EML4: variants seen among roughly 807,000 people sequenced by gnomAD.
EML4 encodes echinoderm microtubule-associated protein-like 4.
A neutral mutation model predicts 129.0 loss-of-function variants in EML4; 72 were observed. That is an observed-to-expected ratio of 0.56 (90% confidence interval 0.46 to 0.68). The LOEUF is 0.68. EML4 is among the 30% of genes least tolerant of loss of function. The probability of loss-of-function intolerance (pLI) is 0.00; values close to 1 mark genes in which losing one functional copy is unlikely to be tolerated. For synonymous variants in EML4, 532 were observed against 405.0 expected (o/e 1.31, Z -3.77); for missense variants, 1,363 against 1,190.6 (o/e 1.14, Z -2.13).
At chr2:42,213,039 G>C (rs1165148050) in intron 1 of EML4, among the ~76,000 whole-genome samples, 3 of 152,138 alleles carry the variant, frequency 2.0e-5, no homozygotes, top group Non-Finnish European at 4.4e-5. Flanking sequence ...GCATATTAGT[G>C]TAACATAGTA....
At chr2:42,235,359 C>G (rs939234984) in intron 1 of EML4, among the ~76,000 whole-genome samples, 2 of 130,482 alleles carry the variant, frequency 1.5e-5, no homozygotes, top group African/African-American at 6.1e-5. Context: ...ACTCAGGAGG[C>G]TAAGGCGCGA....
chr2:42,245,424 A>G, intron 1 of EML4, 81 bp from the exon 2 acceptor site: 1 of 1,321,778 alleles, frequency 7.6e-7, no homozygotes, highest in South Asian at 1.3e-5. Flanking sequence ...TGTAAGTCTT[A>G]TGTGGGATGG....
At chr2:42,268,060 T>C (rs966009674) in intron 6 of EML4, among the ~76,000 whole-genome samples, 8 of 152,182 alleles carry the variant, frequency 5.3e-5, no homozygotes, top group Non-Finnish European at 1.0e-4. Context: ...TGACAAATTT[T>C]CTAATAAACA....
intron 1 of EML4, among the ~76,000 whole-genome samples, chr2:42,241,873 T>TGGG (rs1033165271): frequency 0.014 from 1,780 of 130,930 alleles, 35 homozygotes; most frequent in African/African-American, 0.057. Context: ...TGTGTGTGTG[T>TGGG]CGGGGGGGGG....
intron 17 of EML4, among the ~76,000 whole-genome samples, chr2:42,308,558 A>C (rs1051844293): frequency 1.3e-5 from 2 of 152,210 alleles, no homozygotes; most frequent in Admixed American, 1.3e-4. Flanking sequence ...CTTTGTTGAG[A>C]TATAATTCAC....
At chr2:42,222,848 G>C (rs929279561) in intron 1 of EML4, among the ~76,000 whole-genome samples, 1 of 152,062 alleles carries the variant, frequency 6.6e-6, no homozygotes, top group South Asian at 2.1e-4. Context: ...GCCTAGGCTG[G>C]AGTGCAATGG....
chr2:42,300,961 G>A (rs959477636), intron 13 of EML4, among the ~76,000 whole-genome samples: 2 of 152,014 alleles, frequency 1.3e-5, no homozygotes, highest in Non-Finnish European at 2.9e-5. Context: ...ATCCCCTTTC[G>A]TCTGTGGAAT....
Position 42,295,151 on chromosome 2 carries a change from G to A in EML4, c.1245G>A (p.Val415=). The part of the protein sequence containing the change: ...IKTTNEVVLA[V]EFHPTDANTI... ...CAACAAATGAAGTTGTTTTGGCTGT[G>A]GAGTTTCACCCAACAGATGCAAATA... The change falls in exon 12 of 23, where the codon GTG becomes GTA. Residue 415 remains valine (V), a synonymous_variant. Coordinates refer to ENST00000318522, the MANE Select transcript of EML4 (RefSeq NM_019063.5). The A allele has an allele frequency of 6.2e-7, 1 of 1,611,940 alleles. No individual in the cohort carries two copies. Among genetic ancestry groups the A allele is most frequent in the Non-Finnish European group, 8.5e-7 (1 of 1,179,358 alleles).
chr2:42,309,447 A>AT lies in EML4; in HGVS notation c.1967+4909dup, dbSNP rs1553393057. On this transcript the variant is annotated intron_variant, in intron 17 of 22. Coordinates refer to ENST00000318522, the MANE Select transcript of EML4 (RefSeq NM_019063.5). ...CAACCACCACAAAAAAAAAAAAAAA[A>AT]TTTTTTTTTTTTTGTTTAGGAACTA... Among the ~76,000 whole-genome samples, 67 of 142,538 alleles carry AT rather than the reference A, an allele frequency of 4.7e-4. 1 individual carries two copies. Among genetic ancestry groups the AT allele is most frequent in the East Asian group, 3.5e-3 (17 of 4,792 alleles). The allele number at this position is 142,538 out of a possible 152,430, so 93.5% of individuals were successfully genotyped here. A position where few individuals can be genotyped will look rare whatever the true frequency, so the allele number is the denominator to read the frequency against.
chr2:42,286,236 G>A (rs909938771), intron 9 of EML4, 33 bp from the exon 10 acceptor site: 1 of 1,228,616 alleles, frequency 8.1e-7, no homozygotes, highest in Non-Finnish European at 1.2e-6. Context: ...GCATCCACCT[G>A]TCCAGTTGCT....
chr2:42,221,698 G>A (rs1673613811), intron 1 of EML4, among the ~76,000 whole-genome samples: 1 of 151,824 alleles, frequency 6.6e-6, no homozygotes, highest in Admixed American at 6.6e-5. Context: ...CCGCCTCCTG[G>A]GTTCAAGGGA....
Position 42,325,602 on chromosome 2 carries a change from T to TTATATATATA in EML4, c.2242+76_2242+85dup, listed in dbSNP as rs10530482. 1.9e-3 allele frequency: 243 copies of TTATATATATA among 129,170 alleles called. 5 individuals carry two copies. Among genetic ancestry groups the TTATATATATA allele is most frequent in the Middle Eastern group, 2.9e-3 (1 of 346 alleles). The allele number at this position is 129,170 out of a possible 1,614,324, so 8.0% of individuals were successfully genotyped here. A position where few individuals can be genotyped will look rare whatever the true frequency, so the allele number is the denominator to read the frequency against. ...ATATATATATATGCTATGATTATAT[T>TTATATATATA]TATATATATATATATATATATATAT... On this transcript the variant is annotated intron_variant, in intron 20 of 22. Coordinates refer to ENST00000318522, the MANE Select transcript of EML4 (RefSeq NM_019063.5).
intron 6 of EML4, among the ~76,000 whole-genome samples, chr2:42,270,688 C>T (rs1375371214): frequency 6.6e-6 from 1 of 152,140 alleles, no homozygotes. Context: ...TTGTCATTTA[C>T]TGAGAGAGTG....
rs547725821 is a variant in EML4, at chr2:42,280,878, C to T, written c.696C>T (p.Arg232=). The part of the protein sequence containing the change: ...QEGEYIKMFM[R]GRPITMFIPS... The stretch of plus-strand genomic sequence containing the variant: ...GAGAATATATTAAAATGTTTATGCG[C>T]GGTCGGCCAATTACCATGTTCATTC... Residue 232 remains arginine, a synonymous_variant, in exon 7 of 23, where the codon CGC becomes CGT. Transcript: ENST00000318522. 7.4e-5 allele frequency: 120 copies of T among 1,611,090 alleles called. No individual in the cohort carries two copies. In the East Asian group the frequency reaches 1.7e-3, roughly 23 times the overall value.
intron 11 of EML4, among the ~76,000 whole-genome samples, chr2:42,292,142 T>G (rs999425019): frequency 2.0e-5 from 3 of 152,212 alleles, no homozygotes; most frequent in African/African-American, 4.8e-5. Context: ...AAGGACACTT[T>G]TAGAGCAGAA....
intron 4 of EML4, among the ~76,000 whole-genome samples, chr2:42,262,199 C>A (rs762670124): frequency 3.3e-5 from 5 of 152,008 alleles, no homozygotes; most frequent in Admixed American, 6.5e-5. Context: ...AATATTTTGC[C>A]TCAAATCGCT....
chr2:42,210,224 C>T (rs1024742935), intron 1 of EML4, among the ~76,000 whole-genome samples: 1 of 152,090 alleles, frequency 6.6e-6, no homozygotes, highest in East Asian at 1.9e-4. Context: ...TGGCTATGAC[C>T]ATTTTTTCAG....
chr2:42,199,681 A>G (rs1285130577), intron 1 of EML4, among the ~76,000 whole-genome samples: 4 of 152,214 alleles, frequency 2.6e-5, no homozygotes, highest in Non-Finnish European at 5.9e-5. Flanking sequence ...TAAAGGATCT[A>G]GAGAAGTTTA....
chr2:42,206,483 G>C (rs1365103609), intron 1 of EML4, among the ~76,000 whole-genome samples: 1 of 152,136 alleles, frequency 6.6e-6, no homozygotes, highest in Non-Finnish European at 1.5e-5. Context: ...CCAAAGTGTT[G>C]GGATTATAGA....
Sources: gnomAD v4.1 joint callset for allele counts (sites outside exome capture counted in the v4.1 genomes callset) on GRCh38, gnomAD v4.1.1 for gene constraint, MANE v1.5 for transcripts, NCBI Gene and HGNC (gene_info 2026-07-23, HGNC 2026-07-21) for gene names.